The following HCK variants were observed in gnomAD, a reference collection of about 807,000 sequenced individuals.
HCK encodes tyrosine-protein kinase HCK.
Under a neutral mutation model 70.4 loss-of-function variants are expected in HCK, and 40 were observed. That is an observed-to-expected ratio of 0.57 (90% CI 0.44 to 0.74). HCK has a LOEUF of 0.74. HCK is among the 30% of genes least tolerant of loss of function. HCK has a pLI of 0.00. For synonymous variants in HCK, 245 were observed against 263.2 expected (o/e 0.93, Z 0.67); for missense variants, 568 against 697.2 (o/e 0.81, Z 2.09).
chr20:32,068,605 C>G lies in HCK; in HGVS notation c.63-3057C>G, dbSNP rs576713207. ...ACAATCACATTTTACACAAATTTGA[C>G]TCCTGCCAGTGTATCACTTTCAGAA... On this transcript the variant is annotated intron_variant, in intron 1 of 12. Transcript: ENST00000375852. 5.9e-5 allele frequency among the ~76,000 whole-genome samples: 9 copies of G among 152,134 alleles called. No homozygotes were observed. In the South Asian group the frequency reaches 1.9e-3, roughly 32 times the overall value.
intron 1 of HCK, among the ~76,000 whole-genome samples, chr20:32,060,288 T>C (rs1307960513): frequency 3.9e-5 from 6 of 152,230 alleles, no homozygotes; most frequent in African/African-American, 9.6e-5. Flanking sequence ...TGGGGCAATC[T>C]TGGCTCACTG....
intron 8 of HCK, among the ~76,000 whole-genome samples, chr20:32,086,157 C>T (rs1055564974): frequency 2.0e-5 from 3 of 152,130 alleles, no homozygotes; most frequent in Non-Finnish European, 2.9e-5. Context: ...GTAGCTGGGA[C>T]TACAGGCGCC....
At chr20:32,092,022 G>C (rs1397777434) in intron 10 of HCK, among the ~76,000 whole-genome samples, 1 of 151,940 alleles carries the variant, frequency 6.6e-6, no homozygotes, top group Non-Finnish European at 1.5e-5. Context: ...AGCAAAGCAT[G>C]GGTCTCCATT....
chr20:32,066,749 A>G (rs943404022), intron 1 of HCK, among the ~76,000 whole-genome samples: 5 of 152,258 alleles, frequency 3.3e-5, no homozygotes, highest in East Asian at 1.9e-4. Flanking sequence ...TTCCATTTTT[A>G]TCTTGGCTAC....
At chr20:32,088,725 A>G in intron 10 of HCK, 81 bp downstream of exon 10, 2 of 970,252 alleles carry the variant, frequency 2.1e-6, no homozygotes, top group South Asian at 1.3e-5. Flanking sequence ...ACCACATACT[A>G]TGATGATAGC....
chr20:32,066,387 C>T (rs1027905162), intron 1 of HCK, among the ~76,000 whole-genome samples: 5 of 130,380 alleles, frequency 3.8e-5, no homozygotes, highest in African/African-American at 1.1e-4. Flanking sequence ...TCTTGGCTCA[C>T]TGCAACCTCT....
At chr20:32,093,377 AC>A (rs2045889326) in intron 10 of HCK, among the ~76,000 whole-genome samples, 1 of 151,998 alleles carries the variant, frequency 6.6e-6, no homozygotes, top group Non-Finnish European at 1.5e-5. Context: ...AATTTTCCCT[AC>A]CCAGGCTGGG....
intron 6 of HCK, among the ~76,000 whole-genome samples, chr20:32,080,632 T>A (rs1040499736): frequency 2.0e-5 from 3 of 152,208 alleles, no homozygotes; most frequent in African/African-American, 7.2e-5. Flanking sequence ...TAGCTGGGAC[T>A]ACAGGTACGT....
chr20:32,056,902 CA>C (rs886967763), intron 1 of HCK, among the ~76,000 whole-genome samples: 2 of 152,086 alleles, frequency 1.3e-5, no homozygotes, highest in Non-Finnish European at 1.5e-5. Flanking sequence ...AGTAGGGCCT[CA>C]AAAAAACACT....
chr20:32,054,250 G>A lies in HCK; in HGVS notation c.62+1764G>A, dbSNP rs182544176. The stretch of plus-strand genomic sequence containing the variant: ...CTGTCATGAGTTACAGTCCTTCCAG[G>A]ATGTGCCTCTGAAAATGGATTGCAT... On this transcript the variant is annotated intron_variant, in intron 1 of 12. Transcript: ENST00000375852. 273 of 456,200 alleles carry A rather than the reference G, an allele frequency of 6.0e-4. 1 individual carries two copies. The highest frequency in any genetic ancestry group is 1.0e-3 in the Non-Finnish European group (232 of 226,886). The allele number at this position is 456,200 out of a possible 1,614,324, so 28.3% of individuals were successfully genotyped here.
intron 5 of HCK, among the ~76,000 whole-genome samples, chr20:32,078,856 CA>C (rs368194350): frequency 0.016 from 590 of 36,228 alleles, no homozygotes; most frequent in South Asian, 0.031. Flanking sequence ...GACTCAGTCT[CA>C]AAAAAAAAAA....
chr20:32,076,917 C>T (rs913430230), intron 5 of HCK, among the ~76,000 whole-genome samples: 4 of 151,978 alleles, frequency 2.6e-5, no homozygotes, highest in African/African-American at 9.7e-5. Flanking sequence ...GATACCCTGC[C>T]TCTACTAAAA....
chr20:32,078,881 G>GAAAAAA (rs2045668059), intron 5 of HCK, among the ~76,000 whole-genome samples: 15 of 91,062 alleles, frequency 1.6e-4, no homozygotes, highest in South Asian at 6.6e-4. Context: ...AAAAAAAAAG[G>GAAAAAA]GGGGGAATGA....
Position 32,101,653 on chromosome 20 carries a change from T to C in HCK, c.*134T>C. 1.5e-6 allele frequency: 1 copy of C among 661,234 alleles called. No homozygotes were observed. Among genetic ancestry groups the C allele is most frequent in the Non-Finnish European group, 2.6e-6 (1 of 390,112 alleles). 41.0% of individuals were successfully genotyped at this position (661,234 alleles called of 1,614,324 possible). A position where few individuals can be genotyped will look rare whatever the true frequency, so the allele number is the denominator to read the frequency against. ...TCGCTTCAGCCACAGTTTCCTCATC[T>C]GTCCAGTGGGTAGGTTGGACTGGAA... On this transcript the variant is annotated 3_prime_UTR_variant, in exon 13 of 13. Transcript: ENST00000375852.
At chr20:32,093,787 T>C (rs1435878399) in intron 10 of HCK, 76 bp from the exon 11 acceptor site, 20 of 1,417,296 alleles carry the variant, frequency 1.4e-5, no homozygotes, top group Non-Finnish European at 1.7e-5. Flanking sequence ...CTTGAACACC[T>C]CTCTGCTGCT....
chr20:32,061,858 A>G (rs6119758), intron 1 of HCK, among the ~76,000 whole-genome samples: 117,211 of 151,512 alleles, frequency 0.77, 45,508 homozygotes, highest in East Asian at 1. Context: ...CACCTTGGAG[A>G]GGACTTGGGC....
intron 1 of HCK, among the ~76,000 whole-genome samples, chr20:32,067,621 C>A (rs2045478758): frequency 6.8e-6 from 1 of 147,510 alleles, no homozygotes; most frequent in African/African-American, 2.5e-5. Flanking sequence ...AGGCATGCAG[C>A]CATTCACTCA....
In HCK at chr20:32,073,266, G is replaced by A. The variant is rs150687506; in HGVS notation, c.184-53G>A. 1.9e-4 allele frequency: 291 copies of A among 1,496,166 alleles called. No homozygotes were observed. In the African/African-American group the frequency reaches 2.7e-3, roughly 14 times the overall value. 92.7% of individuals were successfully genotyped at this position (1,496,166 alleles called of 1,614,324 possible). On this transcript the variant is annotated intron_variant, in intron 2 of 12. Coordinates refer to ENST00000375852, the MANE Select transcript of HCK (RefSeq NM_002110.5). ...GTCCTTCTCAACACAGACCTTCCAC[G>A]GGTCCCCACACATTGGTCAGATTCA...
At chr20:32,083,843 TG>T in intron 6 of HCK, 50 bp from the exon 7 acceptor site, 1 of 1,607,120 alleles carries the variant, frequency 6.2e-7, no homozygotes, top group Non-Finnish European at 8.5e-7. Flanking sequence ...TAATGCAAGG[TG>T]GCAGGCCTCC....
Sources: gnomAD v4.1 joint callset for allele counts (sites outside exome capture counted in the v4.1 genomes callset) on GRCh38, gnomAD v4.1.1 for gene constraint, MANE v1.5 for transcripts, NCBI Gene and HGNC (gene_info 2026-07-23, HGNC 2026-07-21) for gene names.